Variants in DOCK8 observed in about 807,000 individuals in gnomAD.
DOCK8 encodes the protein dedicator of cytokinesis 8.
In DOCK8, 141 loss-of-function variants were observed where a neutral mutation model predicts 245.6. The observed-to-expected ratio is 0.57, with a 90% CI of 0.50 to 0.66. The LOEUF is 0.66. DOCK8 is among the 30% of genes least tolerant of loss of function. The pLI is 0.00. For missense variants in DOCK8, 2,965 were observed against 2,603.4 expected (o/e 1.14, Z -3.02); for synonymous variants, 1,168 against 970.2 (o/e 1.20, Z -3.79).
intron 1 of DOCK8, among the ~76,000 whole-genome samples, chr9:256,816 C>G (rs1195658446): frequency 6.6e-6 from 1 of 152,134 alleles, no homozygotes; most frequent in African/African-American, 2.4e-5. Flanking sequence ...AGGGCAGAGG[C>G]TTTTGTCTGC....
intron 4 of DOCK8, among the ~76,000 whole-genome samples, chr9:292,387 C>CAAAA (rs5895837): frequency 0.088 from 5,530 of 63,000 alleles, 1,808 homozygotes; most frequent in Admixed American, 0.13. Context: ...AACTCCGTCT[C>CAAAA]AAAAAAAAAA....
At chr9:255,668 C>CAAAAA (rs71317282) in intron 1 of DOCK8, among the ~76,000 whole-genome samples, 2 of 23,508 alleles carry the variant, frequency 8.5e-5, no homozygotes, top group Non-Finnish European at 1.5e-4. Flanking sequence ...ACTCCATCTC[C>CAAAAA]AAAAAAAAAA....
At chr9:414,978 G>T in intron 29 of DOCK8, 27 bp downstream of exon 29, 1 of 1,611,874 alleles carries the variant, frequency 6.2e-7, no homozygotes, top group Non-Finnish European at 8.5e-7. Flanking sequence ...TTTCTTTCTT[G>T]GATTGTTGGG....
chr9:374,553 A>G (rs904098535), intron 18 of DOCK8, among the ~76,000 whole-genome samples: 2 of 142,762 alleles, frequency 1.4e-5, no homozygotes, highest in African/African-American at 5.2e-5. Context: ...TCTTGAACTC[A>G]TAGGCTCAAG....
At chr9:315,475 ACAGT>A (rs772529575) in intron 6 of DOCK8, among the ~76,000 whole-genome samples, 6 of 152,230 alleles carry the variant, frequency 3.9e-5, no homozygotes, top group Admixed American at 1.3e-4. Context: ...ACAAATTGAG[ACAGT>A]CAGGGAAATT....
At position 409,940 on chromosome 9, in the gene DOCK8, T is replaced by A. The variant is rs951240267; in HGVS notation, c.3530+2871T>A. 4.6e-5 allele frequency among the ~76,000 whole-genome samples: 7 copies of A among 152,298 alleles called. 1 individual carries two copies. Among genetic ancestry groups the A allele is most frequent in the African/African-American group, 1.7e-4 (7 of 41,562 alleles). ...TGTGCCACATTTTCTTAATCCAGTC[T>A]ACCATTGATGGACATTTGGGTTGGT... On this transcript the variant is annotated intron_variant, in intron 28 of 47. Transcript: ENST00000432829.
chr9:266,285 C>T (rs2048033396), intron 1 of DOCK8, among the ~76,000 whole-genome samples: 1 of 152,080 alleles, frequency 6.6e-6, no homozygotes, highest in Admixed American at 6.5e-5. Flanking sequence ...TATTCATCTG[C>T]CCTCCTCCCA....
chr9:439,266 G>A lies in DOCK8; in HGVS notation c.5101G>A (p.Glu1701Lys), dbSNP rs2131793760. The change falls in exon 40 of 48, where the codon GAG (glutamate) becomes AAG (lysine). Residue 1701 changes from glutamate to lysine, a missense_variant. Glu to Lys is a moderately conservative substitution (Grantham distance 56). Around this residue, in one of 3 missense-constraint regions of DOCK8, gnomAD observed 2,825 missense variants for 2,453.5 expected, o/e 1.15. Transcript: ENST00000432829. ...SFQNISSNVL[E>K]ESVVSEDTLS... The stretch of plus-strand genomic sequence containing the variant: ...TCAGAATATTTCTTCCAATGTGCTG[G>A]AGGAGTCTGTGGTCTCTGAGGACAC... 1 of 1,614,184 alleles carries A rather than the reference G, an allele frequency of 6.2e-7. No homozygotes were observed. Among genetic ancestry groups the A allele is most frequent in the Non-Finnish European group, 8.5e-7 (1 of 1,180,030 alleles).
chr9:214,405 C>T, upstream of DOCK8: 1 of 1,127,906 alleles, frequency 8.9e-7, no homozygotes, highest in Non-Finnish European at 1.3e-6. Flanking sequence ...GGGCATATTG[C>T]TTGCAAAAGT....
chr9:293,086 C>G (rs1473248400), intron 4 of DOCK8, among the ~76,000 whole-genome samples: 1 of 152,152 alleles, frequency 6.6e-6, no homozygotes, highest in African/African-American at 2.4e-5. Context: ...TCTCTGCACC[C>G]CTGTGTAATG....
At chr9:309,046 CTTCTATTG>C (rs1321164870) in intron 5 of DOCK8, among the ~76,000 whole-genome samples, 1 of 152,186 alleles carries the variant, frequency 6.6e-6, no homozygotes, top group Admixed American at 6.5e-5. Flanking sequence ...ATTTAGTTTA[CTTCTATTG>C]TTTTGCTATC....
At chr9:312,312 G>A (rs1334854403) in intron 6 of DOCK8, 146 bp downstream of exon 6, 6 of 912,372 alleles carry the variant, frequency 6.6e-6, no homozygotes, top group Non-Finnish European at 1.0e-5. Flanking sequence ...TTTCACTCAG[G>A]CAAGCCTGTG....
At position 428,573 on chromosome 9, in the gene DOCK8, G is replaced by A. The variant is rs2056588053; in HGVS notation, c.4473+77G>A. ...TCTAGCTTCATACTTCTCTCTTCAG[G>A]TGGACCAAAAGTCACAGAGCATATT... is the stretch of plus-strand genomic sequence containing the variant. On this transcript the variant is annotated intron_variant, in intron 35 of 47. Transcript: ENST00000432829. 2.5e-6 allele frequency: 4 copies of A among 1,570,576 alleles called. No individual in the cohort carries two copies. The South Asian group carries it at 4.5e-5, about 18-fold the overall frequency.
intron 1 of DOCK8, among the ~76,000 whole-genome samples, chr9:240,888 C>A (rs2047360158): frequency 6.6e-6 from 1 of 152,056 alleles, no homozygotes; most frequent in Admixed American, 6.5e-5. Context: ...TTCCATAGGG[C>A]TGTTATGAGA....
At chr9:267,393 A>G (rs2048061379) in intron 1 of DOCK8, among the ~76,000 whole-genome samples, 1 of 152,110 alleles carries the variant, frequency 6.6e-6, no homozygotes, top group Admixed American at 6.6e-5. Context: ...TTTTGTAGAG[A>G]CTGGGTTTCA....
chr9:428,367 C>T lies in DOCK8; in HGVS notation c.4344C>T (p.Ser1448=), dbSNP rs1440927032. 3.1e-6 allele frequency: 5 copies of T among 1,614,198 alleles called. No individual in the cohort carries two copies. Among genetic ancestry groups the T allele is most frequent in the Non-Finnish European group, 4.2e-6 (5 of 1,180,042 alleles). The change falls in exon 35 of 48, where the codon AGC becomes AGT. Residue 1448 remains serine (S), a synonymous_variant. Transcript: ENST00000432829. ...CTGTTCTTCCATTCCCCCAGGCGAG[C>T]TCGGCTCTGGACTGTAAAGACAGCC... is the stretch of plus-strand genomic sequence containing the variant. The part of the protein sequence containing the change: ...LDMQENIIQA[S]SALDCKDSLL...
At chr9:360,200 C>T (rs1008112340) in intron 14 of DOCK8, among the ~76,000 whole-genome samples, 3 of 151,942 alleles carry the variant, frequency 2.0e-5, no homozygotes, top group Admixed American at 6.6e-5. Context: ...CCTGTAGTCC[C>T]AGCTACTCAG....
At chr9:218,331 A>T (rs1005033618) in intron 1 of DOCK8, among the ~76,000 whole-genome samples, 3 of 152,204 alleles carry the variant, frequency 2.0e-5, no homozygotes, top group Non-Finnish European at 4.4e-5. Flanking sequence ...TTATTTGTAA[A>T]GCGTTCAGTT....
intron 46 of DOCK8, among the ~76,000 whole-genome samples, chr9:453,827 A>G (rs1357620849): frequency 6.6e-6 from 1 of 152,046 alleles, no homozygotes; most frequent in African/African-American, 2.4e-5. Flanking sequence ...ATTTTTTTTC[A>G]TATATTTTTA....
Sources: gnomAD v4.1 joint callset for allele counts (sites outside exome capture counted in the v4.1 genomes callset) on GRCh38, gnomAD v4.1.1 for gene constraint, gnomAD v4.1.1 regional missense constraint, MANE v1.5 for transcripts, NCBI Gene and HGNC (gene_info 2026-07-23, HGNC 2026-07-21) for gene names.